Variants in RASSF5 observed in about 807,000 individuals in gnomAD.
RASSF5 encodes ras association domain-containing protein 5.
Under a neutral mutation model 40.5 loss-of-function variants are expected in RASSF5, and 25 were observed. That is an observed-to-expected ratio of 0.62 (90% CI 0.45 to 0.86). The LOEUF (loss-of-function observed/expected upper bound fraction) is 0.86, where lower values mean the gene tolerates loss of function less well. RASSF5 is among the 40% of genes least tolerant of loss of function. The probability of loss-of-function intolerance (pLI) is 0.00; values close to 1 mark genes in which losing one functional copy is unlikely to be tolerated. For synonymous variants in RASSF5, 246 were observed against 252.4 expected (o/e 0.97, Z 0.24); for missense variants, 521 against 572.8 (o/e 0.91, Z 0.92).
At chr1:206,569,878 G>C (rs1286564121) in intron 2 of RASSF5, among the ~76,000 whole-genome samples, 1 of 152,098 alleles carries the variant, frequency 6.6e-6, no homozygotes, top group Non-Finnish European at 1.5e-5. Context: ...CCTAGGAAAA[G>C]AGCCTGGTCT....
chr1:206,523,633 TA>T (rs1553396502), intron 1 of RASSF5, among the ~76,000 whole-genome samples: 1 of 102,404 alleles, frequency 9.8e-6, no homozygotes, highest in Non-Finnish European at 1.8e-5. Context: ...ATATAAAATA[TA>T]TTATATATAA....
chr1:206,584,851 A>G lies in RASSF5; in HGVS notation c.988+167A>G. 1 of 707,798 alleles carries G rather than the reference A, an allele frequency of 1.4e-6. No individual in the cohort carries two copies. The highest frequency in any genetic ancestry group is 2.3e-6 in the Non-Finnish European group (1 of 429,306). 43.8% of individuals were successfully genotyped at this position (707,798 alleles called of 1,614,324 possible). A position where few individuals can be genotyped will look rare whatever the true frequency, so the allele number is the denominator to read the frequency against. ...ATCTGTGGAATCCGGGCAGGGAGGC[A>G]AGAGCAGAGTCCCTGACTCTGCATG... On this transcript the variant is annotated intron_variant, in intron 4 of 5. Coordinates refer to ENST00000579436, the MANE Select transcript of RASSF5 (RefSeq NM_182663.4). The surrounding 1 kb of genome is among the most constrained non-coding windows in gnomAD (Gnocchi z 4.9).
In RASSF5 at chr1:206,585,160, C is replaced by A; in HGVS notation, c.989-20C>A. On this transcript the variant is annotated intron_variant, in intron 4 of 5. Transcript: ENST00000579436. ...CTTCTTTTCTGGGAAGAGCTCCCAG[C>A]ACCCTCTCTTGGTTTGCAGTGCTCT... 2.5e-6 allele frequency: 4 copies of A among 1,587,042 alleles called. No individual in the cohort carries two copies. Among genetic ancestry groups the A allele is most frequent in the Non-Finnish European group, 2.6e-6 (3 of 1,155,908 alleles).
Position 206,551,566 on chromosome 1 carries a change from C to T in RASSF5, c.579+13273C>T, listed in dbSNP as rs533029994. Among the ~76,000 whole-genome samples the T allele has an allele frequency of 1.1e-4, 16 of 152,364 alleles. No individual in the cohort carries two copies. The East Asian group carries it at 2.5e-3, about 24-fold the overall frequency. On this transcript the variant is annotated intron_variant, in intron 2 of 5. Transcript: ENST00000579436. ...TCTCCAAGGCCTATCTGACCAGCCCCAGATGGGCCCAGCCCACGCCAATGT... is the reference window on the plus strand; with the variant it reads ...TCTCCAAGGCCTATCTGACCAGCCCTAGATGGGCCCAGCCCACGCCAATGT...
chr1:206,583,004 G>A (rs1668952959), intron 2 of RASSF5: 3 of 388,142 alleles, frequency 7.7e-6, no homozygotes, highest in Non-Finnish European at 1.5e-5. Flanking sequence ...AGACAAGCCT[G>A]TGCAGTAGGT....
Position 206,507,808 on chromosome 1 carries a change from A to G in RASSF5, c.206A>G (p.Asn69Ser). 1.4e-6 allele frequency: 2 copies of G among 1,398,232 alleles called. No individual in the cohort carries two copies. Among genetic ancestry groups the G allele is most frequent in the African/African-American group, 1.5e-5 (1 of 65,586 alleles). The allele number at this position is 1,398,232 out of a possible 1,614,324, so 86.6% of individuals were successfully genotyped here. ...GRSARRAARG[N>S]LEPPPRASRP... is the part of the protein sequence containing the mutation. Reference sequence around the variant, plus strand: ...AGCGCCCGGAGGGCTGCCCGGGGGAACCTGGAGCCCCCGCCCCGGGCCTCC... The same window carrying G: ...AGCGCCCGGAGGGCTGCCCGGGGGAGCCTGGAGCCCCCGCCCCGGGCCTCC... Residue 69 changes from asparagine (N) to serine (S), a missense_variant, in exon 1 of 6, where the codon AAC (asparagine) becomes AGC (serine). Asn to Ser is a conservative substitution (Grantham distance 46). This residue lies in a region of RASSF5 where 237 missense variants were observed against 212.0 expected (regional missense o/e 1.12). Coordinates refer to ENST00000579436, the MANE Select transcript of RASSF5 (RefSeq NM_182663.4).
rs561227458 is a variant in RASSF5, at chr1:206,566,691, C to T, written c.580-16578C>T. Among the ~76,000 whole-genome samples, 75 of 152,284 alleles carry T rather than the reference C, an allele frequency of 4.9e-4. 3 individuals are homozygous for T. The South Asian group carries it at 0.015, about 31-fold the overall frequency. Reference sequence around the variant, plus strand: ...CGATGCTCACAATTGGCTGGGAAGGCGTGGGTTCAGGAGGAGAATGTGGGA... The same window carrying T: ...CGATGCTCACAATTGGCTGGGAAGGTGTGGGTTCAGGAGGAGAATGTGGGA... On this transcript the variant is annotated intron_variant, in intron 2 of 5. Transcript: ENST00000579436.
At chr1:206,540,321 G>A (rs573998719) in intron 2 of RASSF5, among the ~76,000 whole-genome samples, 8 of 152,256 alleles carry the variant, frequency 5.3e-5, no homozygotes, top group Admixed American at 4.6e-4. Flanking sequence ...TGTCAGCAGT[G>A]AAGAGATGCT....
At chr1:206,575,481 G>C (rs948089933) in intron 2 of RASSF5, among the ~76,000 whole-genome samples, 6 of 152,168 alleles carry the variant, frequency 3.9e-5, no homozygotes, top group Admixed American at 1.3e-4. Flanking sequence ...ATAGAGTCTT[G>C]CTGACAATAG....
At chr1:206,533,682 G>A (rs1667304227) in intron 1 of RASSF5, among the ~76,000 whole-genome samples, 1 of 151,976 alleles carries the variant, frequency 6.6e-6, no homozygotes, top group African/African-American at 2.4e-5. Flanking sequence ...TTGAACCTAG[G>A]AGTTCGAGGT....
chr1:206,572,038 T>C lies in RASSF5; in HGVS notation c.580-11231T>C, dbSNP rs550671055. ...AAATGGAAAGGATTTGGGTCATCTA[T>C]TTTCAGAAGCAGAGGACAGAATTCT... On this transcript the variant is annotated intron_variant, in intron 2 of 5. Coordinates refer to ENST00000579436, the MANE Select transcript of RASSF5 (RefSeq NM_182663.4). Among the ~76,000 whole-genome samples, 160 of 152,272 alleles carry C rather than the reference T, an allele frequency of 1.1e-3. 1 individual carries two copies. Among genetic ancestry groups the C allele is most frequent in the Non-Finnish European group, 3.5e-4 (24 of 68,012 alleles).
intron 2 of RASSF5, among the ~76,000 whole-genome samples, chr1:206,577,225 T>C (rs942177940): frequency 5.3e-5 from 8 of 152,180 alleles, no homozygotes; most frequent in African/African-American, 1.9e-4. Flanking sequence ...TAACATTTAC[T>C]GTCTGACCCT....
In RASSF5 at chr1:206,560,841, C is replaced by G. The variant is rs1668118253; in HGVS notation, c.580-22428C>G. On this transcript the variant is annotated intron_variant, in intron 2 of 5. Coordinates refer to ENST00000579436, the MANE Select transcript of RASSF5 (RefSeq NM_182663.4). The surrounding 1 kb of genome is among the most constrained non-coding windows in gnomAD (Gnocchi z 5.1). ...CCTCCCAGGCCAGAGAATTTTCTTC[C>G]TTAGTCCCACAAAAGATAGGGTTTG... 6.6e-6 allele frequency among the ~76,000 whole-genome samples: 1 copy of G among 152,208 alleles called. No homozygotes were observed. The highest frequency in any genetic ancestry group is 1.9e-4 in the East Asian group (1 of 5,196).
At chr1:206,529,655 C>T (rs1034504946) in intron 1 of RASSF5, 19 of 759,296 alleles carry the variant, frequency 2.5e-5, no homozygotes, top group Non-Finnish European at 3.8e-5. Context: ...TGGCTCACAT[C>T]GCCAAATTCA....
At chr1:206,534,880 T>C (rs1667338696) in intron 1 of RASSF5, among the ~76,000 whole-genome samples, 1 of 152,052 alleles carries the variant, frequency 6.6e-6, no homozygotes, top group Non-Finnish European at 1.5e-5. Context: ...AACCCTTCCT[T>C]CCTAGAAGCC....
In RASSF5 at chr1:206,561,433, G is replaced by A. The variant is rs545171998; in HGVS notation, c.580-21836G>A. On this transcript the variant is annotated intron_variant, in intron 2 of 5. Transcript: ENST00000579436. The stretch of plus-strand genomic sequence containing the variant: ...CCTTCCCATCCCTCCATTCCTTAAG[G>A]CATGCTAGCTAAGGGGACATTGACC... Among the ~76,000 whole-genome samples, 56 of 152,204 alleles carry A rather than the reference G, an allele frequency of 3.7e-4. No homozygotes were observed. In the Middle Eastern group the frequency reaches 0.01, roughly 28 times the overall value.
Position 206,508,016 on chromosome 1 carries a change from C to A in RASSF5, c.414C>A (p.Asp138Glu). ...TGCCGGGCGGCCCCGGCTGGTGTGA[C>A]CTGTGCGGACGAGAGGTGCTGCGGC... ...LVLPGGPGWC[D>E]LCGREVLRQA... Residue 138 changes from aspartate (D) to glutamate (E), a missense_variant, in exon 1 of 6, where the codon GAC becomes GAA. Coordinates refer to ENST00000579436, the MANE Select transcript of RASSF5 (RefSeq NM_182663.4). 1 of 1,471,062 alleles carries A rather than the reference C, an allele frequency of 6.8e-7. No individual in the cohort carries two copies. The highest frequency in any genetic ancestry group is 9.0e-7 in the Non-Finnish European group (1 of 1,112,862). 91.1% of individuals were successfully genotyped at this position (1,471,062 alleles called of 1,614,324 possible).
At chr1:206,585,112 T>C (rs1256930058) in intron 4 of RASSF5, 68 bp from the exon 5 acceptor site, 1 of 1,202,134 alleles carries the variant, frequency 8.3e-7, no homozygotes, top group African/African-American at 1.5e-5. Context: ...TTCCAATCCT[T>C]TCCCGCAAGC....
rs1046688940 is a variant in RASSF5 at position 206,584,514 on chromosome 1, C to T, written c.818C>T (p.Thr273Ile). Residue 273 changes from threonine to isoleucine, a missense_variant, in exon 4 of 6, where the codon ACC becomes ATC. By Grantham distance (89) the Thr-to-Ile change is moderately conservative. Transcript: ENST00000579436. This position sits in a 1 kb window ranked among gnomAD's most constrained non-coding sequence, Gnocchi z 4.9. ...ATCAAGGAGGTGAACCTGGCGGCTACCACGGACAAGCGGACATCCTTCTAC... is the reference window on the plus strand; with the variant it reads ...ATCAAGGAGGTGAACCTGGCGGCTATCACGGACAAGCGGACATCCTTCTAC... ...DAIKEVNLAA[T>I]TDKRTSFYLP... is the part of the protein sequence containing the mutation. 5.0e-6 allele frequency: 8 copies of T among 1,614,030 alleles called. No individual in the cohort carries two copies. The African/African-American group carries it at 6.7e-5, about 13-fold the overall frequency.
Sources: gnomAD v4.1 joint callset for allele counts (sites outside exome capture counted in the v4.1 genomes callset) on GRCh38, gnomAD v4.1.1 for gene constraint, gnomAD v4.1.1 regional missense constraint, Gnocchi (gnomAD v3.1) non-coding constraint, MANE v1.5 for transcripts, NCBI Gene and HGNC (gene_info 2026-07-23, HGNC 2026-07-21) for gene names.